The following AMOT variants were observed in gnomAD, a reference collection of about 807,000 sequenced individuals.
AMOT encodes angiomotin.
In AMOT, 11 loss-of-function variants were observed where a neutral mutation model predicts 67.0. The ratio of observed to expected loss-of-function variants is 0.16; its 90% CI spans 0.10 to 0.27. The LOEUF is 0.27. AMOT is among the 10% of genes least tolerant of loss of function. AMOT has a pLI of 1.00. For synonymous variants in AMOT, 326 were observed against 321.4 expected, an observed-to-expected ratio of 1.01 and a Z score of -0.15; for missense variants, 753 against 852.0, an observed-to-expected ratio of 0.88 and a Z score of 1.45.
chrX:112,810,171 G>A (rs1184707109), intron 6 of AMOT, among the ~76,000 whole-genome samples, 185 bp from the exon 7 acceptor site: 6 of 111,717 alleles, frequency 5.4e-5, no homozygotes, highest in Non-Finnish European at 1.1e-4. Flanking sequence ...CGGGGAGGAG[G>A]AGGTAAGTAT....
chrX:112,822,972 C>T lies in AMOT; in HGVS notation c.155G>A (p.Ser52Asn). 8.6e-7 allele frequency: 1 copy of T among 1,167,888 alleles called. No individual in the cohort carries two copies. Among genetic ancestry groups the T allele is most frequent in the Non-Finnish European group, 1.1e-6 (1 of 873,116 alleles). The change falls in exon 4 of 14, where the codon AGT (serine) becomes AAT (asparagine). Residue 52 changes from serine to asparagine, a missense_variant. By Grantham distance (46) the Ser-to-Asn change is conservative. Transcript: ENST00000371959. Reference sequence around the variant, plus strand: ...ATCACTCTGAGGGCCCGGGTTCCCACTGCCACTGGGGAAAGGAGGGCCATT... The same window carrying T: ...ATCACTCTGAGGGCCCGGGTTCCCATTGCCACTGGGGAAAGGAGGGCCATT... ...TGNGPPFPSG[S>N]GNPGPQSDVL... is the part of the protein sequence containing the mutation.
In AMOT at chrX:112,815,595, G is replaced by GTGCTGC; in HGVS notation, c.1149_1154dup (p.Gln383_Gln384dup). The GTGCTGC allele has an allele frequency of 1.7e-6, 2 of 1,208,883 alleles. No individual in the cohort carries two copies. Among genetic ancestry groups the GTGCTGC allele is most frequent in the Non-Finnish European group, 2.2e-6 (2 of 893,815 alleles). ...GTTGTTGGTGGTGATGGTGATGATG[G>GTGCTGC]TGCTGCTGCTGCTGTTGCTGCTGCT... On this transcript the variant is annotated inframe_insertion, in exon 5 of 14. Transcript: ENST00000371959.
intron 12 of AMOT, 101 bp downstream of exon 12, chrX:112,780,785 T>G (rs1933128147): frequency 1.8e-5 from 16 of 911,630 alleles, no homozygotes; most frequent in Non-Finnish European, 2.5e-5. Flanking sequence ...CACCTTCCTC[T>G]CTAGAACCTG....
At chrX:112,836,774 G>C (rs901002295) in intron 1 of AMOT, among the ~76,000 whole-genome samples, 10 of 106,899 alleles carry the variant, frequency 9.4e-5, no homozygotes, top group African/African-American at 3.4e-4. Flanking sequence ...AACAACTGTT[G>C]CACTTCATTC....
At chrX:112,786,067 T>G in intron 10 of AMOT, among the ~76,000 whole-genome samples, 1 of 111,825 alleles carries the variant, frequency 8.9e-6, no homozygotes, top group Non-Finnish European at 1.9e-5. Flanking sequence ...TTTAGAGATA[T>G]CAGAGTTACT....
intron 8 of AMOT, among the ~76,000 whole-genome samples, chrX:112,796,202 G>A (rs989217756): frequency 8.9e-6 from 1 of 111,790 alleles, no homozygotes; most frequent in African/African-American, 3.3e-5. Flanking sequence ...ACATTCTTAG[G>A]CGTAAAAACA....
intron 6 of AMOT, 129 bp downstream of exon 6, chrX:112,811,120 C>T (rs1217466239): frequency 1.1e-6 from 1 of 874,744 alleles, no homozygotes; most frequent in Non-Finnish European, 1.6e-6. Flanking sequence ...GGCACATGCC[C>T]AGCCATTTAC....
At chrX:112,799,018 G>A (rs758687075) in intron 8 of AMOT, among the ~76,000 whole-genome samples, 1 of 111,800 alleles carries the variant, frequency 8.9e-6, no homozygotes, top group Non-Finnish European at 1.9e-5. Flanking sequence ...TTAAAGGATG[G>A]CTATATACAA....
chrX:112,815,832 C>T lies in AMOT; in HGVS notation c.918G>A (p.Gln306=). Residue 306 remains glutamine, a synonymous_variant, in exon 5 of 14, where the codon CAG becomes CAA. Transcript: ENST00000371959. ...ISLPLSARNS[Q]PHSPTSSLTS... is the part of the protein sequence containing the mutation. ...TCAGAGAAGAAGTAGGGCTGTGAGG[C>T]TGCGAGTTCCTGGCTGACAATGGCA... 8.6e-7 allele frequency: 1 copy of T among 1,166,789 alleles called. No homozygotes were observed. Among genetic ancestry groups the T allele is most frequent in the Non-Finnish European group, 1.1e-6 (1 of 872,750 alleles).
chrX:112,799,950 C>T (rs190305260), intron 8 of AMOT, among the ~76,000 whole-genome samples: 5 of 111,756 alleles, frequency 4.5e-5, no homozygotes, highest in Admixed American at 9.5e-5. Context: ...AAAGTAAATA[C>T]GGCCAGGCAC....
intron 8 of AMOT, among the ~76,000 whole-genome samples, chrX:112,795,372 G>T (rs1384541452): frequency 9.1e-6 from 1 of 110,020 alleles, no homozygotes; most frequent in Non-Finnish European, 1.9e-5. Flanking sequence ...AGGAGACTTG[G>T]GTTCTAGTCC....
intron 6 of AMOT, among the ~76,000 whole-genome samples, chrX:112,810,512 C>T (rs1602797728): frequency 9.0e-6 from 1 of 110,982 alleles, no homozygotes. Context: ...AGTTTAAGAC[C>T]AGCATGGCCA....
chrX:112,792,081 T>G, intron 8 of AMOT, 100 bp from the exon 9 acceptor site: 6 of 1,020,893 alleles, frequency 5.9e-6, no homozygotes, highest in Non-Finnish European at 8.1e-6. Context: ...TTTAGATCTC[T>G]TCTTGTTTTA....
At chrX:112,791,332 T>A (rs1678309151) in intron 9 of AMOT, among the ~76,000 whole-genome samples, 1 of 110,807 alleles carries the variant, frequency 9.0e-6, no homozygotes, top group South Asian at 3.9e-4. Context: ...GAGGTTGCAG[T>A]GAGCTTGGAT....
chrX:112,805,925 CT>C (rs769161177), intron 7 of AMOT, among the ~76,000 whole-genome samples: 191 of 111,706 alleles, frequency 1.7e-3, no homozygotes, highest in African/African-American at 5.9e-3. Flanking sequence ...ATCTCCTTTT[CT>C]CCCTTTAAGC....
intron 8 of AMOT, among the ~76,000 whole-genome samples, chrX:112,802,477 T>C (rs1484619098): frequency 8.9e-6 from 1 of 112,320 alleles, no homozygotes; most frequent in Non-Finnish European, 1.9e-5. Context: ...TTATATGTGC[T>C]AGAAGTGAGC....
intron 1 of AMOT, among the ~76,000 whole-genome samples, chrX:112,838,495 T>G (rs747718845): frequency 2.9e-4 from 33 of 111,985 alleles, no homozygotes; most frequent in Non-Finnish European, 4.5e-4. Flanking sequence ...TCCCCCTGCC[T>G]TCTGATTAGG....
Position 112,776,701 on chromosome X carries a change from G to T in AMOT, c.*1866C>A, listed in dbSNP as rs1932948677. On this transcript the variant is annotated 3_prime_UTR_variant, in exon 14 of 14. Coordinates refer to ENST00000371959, the MANE Select transcript of AMOT (RefSeq NM_001113490.2). ...AAAGAAGTGGGATTGGTTTCTCAGG[G>T]GGACATTTATGTGACTCTATGTTGA... 9.0e-6 allele frequency: 1 copy of T among 111,482 alleles called. No homozygotes were observed. Among genetic ancestry groups the T allele is most frequent in the South Asian group, 3.8e-4 (1 of 2,601 alleles). The allele number at this position is 111,482 out of a possible 1,213,427, so 9.2% of individuals were successfully genotyped here.
chrX:112,793,964 G>T (rs1416521947), intron 8 of AMOT, among the ~76,000 whole-genome samples: 1 of 111,893 alleles, frequency 8.9e-6, no homozygotes, highest in Non-Finnish European at 1.9e-5. Flanking sequence ...CACCTTTTGG[G>T]TCTTATAATC....
Sources: gnomAD v4.1 joint callset for allele counts (sites outside exome capture counted in the v4.1 genomes callset) on GRCh38, gnomAD v4.1.1 for gene constraint, MANE v1.5 for transcripts, NCBI Gene and HGNC (gene_info 2026-07-23, HGNC 2026-07-21) for gene names.